The following ATP11A variants were observed in gnomAD, a reference collection of about 807,000 sequenced individuals.
ATP11A encodes phospholipid-transporting ATPase IH.
A neutral mutation model predicts 154.4 loss-of-function variants in ATP11A; 81 were observed. The ratio of observed to expected loss-of-function variants is 0.52; its 90% CI spans 0.44 to 0.63. The LOEUF (loss-of-function observed/expected upper bound fraction) is 0.63. Among genes scored for constraint, ATP11A ranks in the 30% least tolerant of loss-of-function variants. The pLI, the probability that ATP11A is intolerant of heterozygous loss-of-function variation, is 0.00. For missense variants in ATP11A, 1,316 were observed against 1,474.3 expected, an observed-to-expected ratio of 0.89 and a Z score of 1.76; for synonymous variants, 623 against 585.9, an observed-to-expected ratio of 1.06 and a Z score of -0.91.
intron 22 of ATP11A, chr13:112,858,780 GTAA>G (rs1382835016): frequency 4.3e-5 from 7 of 161,444 alleles, no homozygotes; most frequent in Admixed American, 4.0e-4. Context: ...CCAAATTCAT[GTAA>G]CTTTGATTAC....
intron 1 of ATP11A, among the ~76,000 whole-genome samples, chr13:112,777,512 C>T (rs968986219): frequency 2.0e-5 from 3 of 152,132 alleles, no homozygotes; most frequent in African/African-American, 7.2e-5. Flanking sequence ...TGCAGTGTGC[C>T]GAGATCACGC....
chr13:112,825,175 G>A (rs1381416043), intron 10 of ATP11A, among the ~76,000 whole-genome samples: 1 of 152,248 alleles, frequency 6.6e-6, no homozygotes, highest in Admixed American at 6.5e-5. Flanking sequence ...CAGTGTGGCT[G>A]TGAGCAGCCC....
chr13:112,790,688 G>A (rs1444919238), intron 2 of ATP11A, among the ~76,000 whole-genome samples: 6 of 151,438 alleles, frequency 4.0e-5, no homozygotes, highest in South Asian at 4.2e-4. Context: ...AATCCACACC[G>A]GGTGTCCTGA....
chr13:112,762,383 G>A (rs903653440), intron 1 of ATP11A, among the ~76,000 whole-genome samples: 4 of 152,144 alleles, frequency 2.6e-5, no homozygotes, highest in Non-Finnish European at 2.9e-5. Flanking sequence ...CTGAAAGGCC[G>A]CTGTTGGAAA....
intron 1 of ATP11A, among the ~76,000 whole-genome samples, chr13:112,694,234 A>T (rs76314391): frequency 6.6e-6 from 1 of 152,102 alleles, no homozygotes; most frequent in Non-Finnish European, 1.5e-5. Flanking sequence ...TACTCATTTC[A>T]TAGCTATTGT....
At chr13:112,730,521 G>T (rs1454912999) in intron 1 of ATP11A, among the ~76,000 whole-genome samples, 1 of 152,198 alleles carries the variant, frequency 6.6e-6, no homozygotes, top group Non-Finnish European at 1.5e-5. Flanking sequence ...CTAGTAACAC[G>T]GTGCTAGGCA....
At position 112,746,703 on chromosome 13, in the gene ATP11A, G is replaced by C. The variant is rs1892198697; in HGVS notation, c.40-38432G>C. The stretch of plus-strand genomic sequence containing the variant: ...TGGGATCACAGGCGTGCACCACCAT[G>C]CCTGGCTAATTAAAAAAAAAAAAAA... On this transcript the variant is annotated intron_variant, in intron 1 of 29. Coordinates refer to ENST00000375645, the MANE Select transcript of ATP11A (RefSeq NM_015205.3). The surrounding 1 kb of genome is among the most constrained non-coding windows in gnomAD (Gnocchi z 4.1). 7.1e-6 allele frequency: 1 copy of C among 140,728 alleles called. No individual in the cohort carries two copies. Among genetic ancestry groups the C allele is most frequent in the Non-Finnish European group, 1.5e-5 (1 of 65,736 alleles). The allele number at this position is 140,728 out of a possible 1,614,324, so 8.7% of individuals were successfully genotyped here.
chr13:112,766,451 G>T (rs1166681431), intron 1 of ATP11A, among the ~76,000 whole-genome samples: 1 of 152,156 alleles, frequency 6.6e-6, no homozygotes, highest in East Asian at 1.9e-4. Context: ...GGGCATTCCT[G>T]GGACCCTCTC....
chr13:112,705,210 G>C (rs282575), intron 1 of ATP11A, among the ~76,000 whole-genome samples: 119,064 of 151,558 alleles, frequency 0.79, 48,303 homozygotes, highest in South Asian at 0.94. Flanking sequence ...CTGTCATGGT[G>C]GCTGGAGTTT....
At chr13:112,831,183 G>T (rs190044581) in intron 12 of ATP11A, among the ~76,000 whole-genome samples, 192 bp from the exon 13 acceptor site, 4 of 152,204 alleles carry the variant, frequency 2.6e-5, no homozygotes, top group Non-Finnish European at 5.9e-5. Context: ...CCTGTTGGAC[G>T]CTGGGAAGGA....
chr13:112,824,775 A>G (rs1317579450), intron 10 of ATP11A, among the ~76,000 whole-genome samples: 1 of 152,260 alleles, frequency 6.6e-6, no homozygotes, highest in Non-Finnish European at 1.5e-5. Context: ...GGTCAAAACC[A>G]CGTATTCTCT....
intron 25 of ATP11A, among the ~76,000 whole-genome samples, chr13:112,863,950 G>A (rs7329151): frequency 0.064 from 4,416 of 68,704 alleles, 811 homozygotes; most frequent in African/African-American, 0.26. Context: ...CACCACCTGC[G>A]CAGTAATTCA....
intron 28 of ATP11A, among the ~76,000 whole-genome samples, chr13:112,877,578 G>T (rs1283875951): frequency 6.6e-6 from 1 of 152,182 alleles, no homozygotes; most frequent in Non-Finnish European, 1.5e-5. Context: ...TGTCTGCTGG[G>T]CCCCTAGCTG....
intron 1 of ATP11A, among the ~76,000 whole-genome samples, chr13:112,734,209 T>C (rs1346916596): frequency 1.3e-5 from 2 of 152,082 alleles, no homozygotes; most frequent in Non-Finnish European, 2.9e-5. Flanking sequence ...CCCAGCAGGA[T>C]GGACATGCGA....
In ATP11A at chr13:112,808,233, C is replaced by T. The variant is rs192599359; in HGVS notation, c.333+1940C>T. 1.1e-4 allele frequency among the ~76,000 whole-genome samples: 16 copies of T among 152,136 alleles called. No homozygotes were observed. The East Asian group carries it at 1.7e-3, about 17-fold the overall frequency. ...CCCTCCCATCGGCCTGGCTATGTCC[C>T]CTCCCTGGCTGTGTCCCCTCCCATC... On this transcript the variant is annotated intron_variant, in intron 4 of 29. Transcript: ENST00000375645.
chr13:112,887,150 T>C lies in ATP11A; in HGVS notation c.*5284T>C, dbSNP rs2140467816. Reference sequence around the variant, plus strand: ...GAATAAAAGTCTGCTTCAGTTTCTTTATAAAGAAACTCACACAAGTGGTGT... The same window carrying C: ...GAATAAAAGTCTGCTTCAGTTTCTTCATAAAGAAACTCACACAAGTGGTGT... On this transcript the variant is annotated 3_prime_UTR_variant, in exon 30 of 30. Coordinates refer to ENST00000375645, the MANE Select transcript of ATP11A (RefSeq NM_015205.3). 6.6e-6 allele frequency: 1 copy of C among 152,350 alleles called. No individual in the cohort carries two copies. Among genetic ancestry groups the C allele is most frequent in the Middle Eastern group, 3.4e-3 (1 of 294 alleles). The allele number at this position is 152,350 out of a possible 1,614,324, so 9.4% of individuals were successfully genotyped here. A position where few individuals can be genotyped will look rare whatever the true frequency, so the allele number is the denominator to read the frequency against.
At chr13:112,771,430 C>T (rs1594628691) in intron 1 of ATP11A, among the ~76,000 whole-genome samples, 1 of 152,318 alleles carries the variant, frequency 6.6e-6, no homozygotes, top group South Asian at 2.1e-4. Flanking sequence ...GAGTTGCCCC[C>T]TTGGTTAAAT....
Position 112,838,761 on chromosome 13 carries a change from C to T in ATP11A, c.1705+2510C>T, listed in dbSNP as rs1034633656. On this transcript the variant is annotated intron_variant, in intron 16 of 29. Transcript: ENST00000375645. This position sits in a 1 kb window ranked among gnomAD's most constrained non-coding sequence, Gnocchi z 7.3. ...TAGGGCCTCTCCAAGGAACTGAGAG[C>T]TTGCAGGAGAGACGGCCCTGCCATC... Among the ~76,000 whole-genome samples, 5 of 152,350 alleles carry T rather than the reference C, an allele frequency of 3.3e-5. No homozygotes were observed. The highest frequency in any genetic ancestry group is 3.3e-4 in the Admixed American group (5 of 15,310).
intron 24 of ATP11A, 195 bp downstream of exon 24, chr13:112,860,609 G>T: frequency 1.6e-6 from 1 of 615,996 alleles, no homozygotes; most frequent in Non-Finnish European, 2.7e-6. Flanking sequence ...TTCAAGTCTT[G>T]CTGGATGGTT....
Sources: allele counts gnomAD v4.1 joint callset (sites outside exome capture counted in the v4.1 genomes callset), GRCh38; gene constraint gnomAD v4.1.1; non-coding constraint Gnocchi (gnomAD v3.1); transcripts MANE v1.5; gene names NCBI Gene and HGNC (gene_info 2026-07-23, HGNC 2026-07-21).